Variants in PHF2 observed in about 807,000 individuals in gnomAD.
The protein encoded by PHF2 is lysine-specific demethylase PHF2.
Under a neutral mutation model 120.5 loss-of-function variants are expected in PHF2, and 27 were observed. The ratio of observed to expected loss-of-function variants is 0.22; its 90% CI spans 0.17 to 0.31. PHF2 has a LOEUF of 0.31. Among genes scored for constraint, PHF2 ranks in the 10% least tolerant of loss-of-function variants. The pLI is 1.00. For synonymous variants in PHF2, 568 were observed against 592.5 expected (o/e 0.96, Z 0.60); for missense variants, 1,024 against 1,434.8 (o/e 0.71, Z 4.63).
At position 93,653,197 on chromosome 9, in the gene PHF2, G is replaced by A. The variant is rs1045671229; in HGVS notation, c.621G>A (p.Glu207=). The A allele has an allele frequency of 1.2e-5, 19 of 1,614,014 alleles. No individual in the cohort carries two copies. The highest frequency in any genetic ancestry group is 1.5e-5 in the Non-Finnish European group (18 of 1,180,012). The change falls in exon 6 of 22, where the codon GAG becomes GAA. Residue 207 remains glutamate (E), a synonymous_variant. Coordinates refer to ENST00000359246, the MANE Select transcript of PHF2 (RefSeq NM_005392.4). ...CCCCTAGAATGTCCAGCTTCGTGGA[G>A]CCACCTGACATTGTAAAGAAACTGT... ...FSDTRMSSFV[E]PPDIVKKLSW...
rs1826927098 is a variant in PHF2, at chr9:93,676,890, C to T, written c.3129C>T (p.Pro1043=). The change falls in exon 21 of 22, where the codon CCC becomes CCT. Residue 1043 remains proline, a synonymous_variant. Transcript: ENST00000359246. ...TGAQAGRTSQ[P]MAPGVFLTQR... Reference sequence around the variant, plus strand: ...CCCAGGCTGGCCGCACCTCCCAGCCCATGGCCCCTGGGGTCTTTCTCACAC... The same window carrying T: ...CCCAGGCTGGCCGCACCTCCCAGCCTATGGCCCCTGGGGTCTTTCTCACAC... 1 of 1,582,466 alleles carries T rather than the reference C, an allele frequency of 6.3e-7. No individual in the cohort carries two copies. The highest frequency in any genetic ancestry group is 1.7e-4 in the Middle Eastern group (1 of 6,010).
chr9:93,597,247 A>T (rs1441504528), intron 1 of PHF2, among the ~76,000 whole-genome samples: 1 of 152,182 alleles, frequency 6.6e-6, no homozygotes, highest in Admixed American at 6.5e-5. Flanking sequence ...GTTTTAAAAA[A>T]TCTTAAAAAG....
intron 1 of PHF2, among the ~76,000 whole-genome samples, chr9:93,618,479 T>C (rs1825762672): frequency 6.6e-6 from 1 of 152,226 alleles, no homozygotes; most frequent in Non-Finnish European, 1.5e-5. Context: ...TGCACACATA[T>C]ACACATGGGT....
At chr9:93,589,942 C>T (rs1457613517) in intron 1 of PHF2, among the ~76,000 whole-genome samples, 1 of 152,224 alleles carries the variant, frequency 6.6e-6, no homozygotes, top group Non-Finnish European at 1.5e-5. Flanking sequence ...CATGCTCCTC[C>T]TGCACTTCCT....
rs140723962 is a variant in PHF2, at chr9:93,601,100, C to T, written c.98+24229C>T. Among the ~76,000 whole-genome samples the T allele has an allele frequency of 2.8e-3, 432 of 152,270 alleles. 1 individual carries two copies. Among genetic ancestry groups the T allele is most frequent in the African/African-American group, 9.8e-3 (406 of 41,546 alleles). On this transcript the variant is annotated intron_variant, in intron 1 of 21. Coordinates refer to ENST00000359246, the MANE Select transcript of PHF2 (RefSeq NM_005392.4). ...TTAATTAGCACAAATGACTTTGTCCCGTGAGTACTTACATCCCCTAGGAGA... is the reference window on the plus strand; with the variant it reads ...TTAATTAGCACAAATGACTTTGTCCTGTGAGTACTTACATCCCCTAGGAGA...
chr9:93,576,874 G>T lies in PHF2; in HGVS notation c.98+3G>T. 8.2e-7 allele frequency: 1 copy of T among 1,223,534 alleles called. No individual in the cohort carries two copies. Among genetic ancestry groups the T allele is most frequent in the South Asian group, 1.4e-5 (1 of 69,076 alleles). 75.8% of individuals were successfully genotyped at this position (1,223,534 alleles called of 1,614,324 possible). On this transcript the variant is annotated splice_donor_region_variant and intron_variant, in intron 1 of 21. Transcript: ENST00000359246. ...TGCAAGGACTGGTTCCACGGCAGGT[G>T]AGCGCGCGGCGGCTGCTCGGCTCGG...
chr9:93,618,415 G>T (rs574448634), intron 1 of PHF2, among the ~76,000 whole-genome samples: 2 of 152,230 alleles, frequency 1.3e-5, no homozygotes, highest in African/African-American at 2.4e-5. Context: ...GGCAATGTAC[G>T]TCTGCCTGCA....
chr9:93,675,641 G>A, intron 19 of PHF2, 39 bp from the exon 20 acceptor site: 2 of 1,514,648 alleles, frequency 1.3e-6, no homozygotes, highest in African/African-American at 1.4e-5. Context: ...GACAGGCTGT[G>A]GCCTACAGCT....
chr9:93,582,821 T>C (rs972047819), intron 1 of PHF2, among the ~76,000 whole-genome samples: 44 of 152,260 alleles, frequency 2.9e-4, no homozygotes, highest in African/African-American at 1.0e-3. Context: ...AGCCTCATCT[T>C]AATTGCCAGA....
chr9:93,591,345 C>G (rs779393773), intron 1 of PHF2, among the ~76,000 whole-genome samples: 5 of 152,256 alleles, frequency 3.3e-5, no homozygotes, highest in Non-Finnish European at 5.9e-5. Flanking sequence ...CTGAACTCGT[C>G]TCTGTTAAAA....
At chr9:93,672,482 G>A (rs1826823246) in intron 17 of PHF2, 2 of 983,618 alleles carry the variant, frequency 2.0e-6, no homozygotes, top group African/African-American at 1.8e-5. Flanking sequence ...GAGTGTGGGA[G>A]TAGGCACAGG....
chr9:93,656,729 AC>A lies in PHF2; in HGVS notation c.1147+138del. 1.5e-6 allele frequency: 1 copy of A among 651,908 alleles called. No individual in the cohort carries two copies. Among genetic ancestry groups the A allele is most frequent in the Non-Finnish European group, 2.7e-6 (1 of 365,252 alleles). 40.4% of individuals were successfully genotyped at this position (651,908 alleles called of 1,614,324 possible). A position where few individuals can be genotyped will look rare whatever the true frequency, so the allele number is the denominator to read the frequency against. The stretch of plus-strand genomic sequence containing the variant: ...CTGAGCAAGTCCTCTTGGGACTCAG[AC>A]CCCTGGGGCTCAGTTTCCCCATCTG... On this transcript the variant is annotated intron_variant, in intron 9 of 21. Coordinates refer to ENST00000359246, the MANE Select transcript of PHF2 (RefSeq NM_005392.4). The surrounding 1 kb of genome is among the most constrained non-coding windows in gnomAD (Gnocchi z 4.1).
At chr9:93,633,682 T>A (rs1453489668) in intron 2 of PHF2, among the ~76,000 whole-genome samples, 2 of 152,128 alleles carry the variant, frequency 1.3e-5, no homozygotes, top group Non-Finnish European at 2.9e-5. Context: ...GCTTCATCTG[T>A]GAAGTGAGGG....
chr9:93,664,791 C>T (rs537232382), intron 14 of PHF2, among the ~76,000 whole-genome samples: 2 of 152,208 alleles, frequency 1.3e-5, no homozygotes, highest in Non-Finnish European at 2.9e-5. Flanking sequence ...AGGGAGTTGA[C>T]GATAGAGATG....
chr9:93,632,019 T>A (rs1826010136), intron 2 of PHF2, among the ~76,000 whole-genome samples: 1 of 152,136 alleles, frequency 6.6e-6, no homozygotes, highest in Non-Finnish European at 1.5e-5. Context: ...GTGCTGGGGC[T>A]GGGCAGGTTT....
chr9:93,660,893 G>A (rs1222387567), intron 12 of PHF2, among the ~76,000 whole-genome samples: 1 of 152,228 alleles, frequency 6.6e-6, no homozygotes, highest in Non-Finnish European at 1.5e-5. Context: ...TGGCACCCAA[G>A]AGGGCCACCT....
chr9:93,663,092 T>C, intron 13 of PHF2, 66 bp downstream of exon 13: 1 of 1,597,126 alleles, frequency 6.3e-7, no homozygotes, highest in Non-Finnish European at 8.6e-7. Flanking sequence ...CAGAGGTGAA[T>C]CTGTGAGGCC....
chr9:93,625,513 C>T (rs10761246), intron 1 of PHF2, among the ~76,000 whole-genome samples: 74,645 of 130,428 alleles, frequency 0.57, 20,632 homozygotes, highest in South Asian at 0.78. Context: ...AGTCTTGCTT[C>T]ATTGGCCAGG....
chr9:93,576,711 G>A lies in PHF2; in HGVS notation c.-63G>A. The A allele has an allele frequency of 1.4e-6, 1 of 723,774 alleles. No individual in the cohort carries two copies. The highest frequency in any genetic ancestry group is 1.7e-6 in the Non-Finnish European group (1 of 594,924). The allele number at this position is 723,774 out of a possible 1,614,324, so 44.8% of individuals were successfully genotyped here. A position where few individuals can be genotyped will look rare whatever the true frequency, so the allele number is the denominator to read the frequency against. On this transcript the variant is annotated 5_prime_UTR_variant, in exon 1 of 22. Coordinates refer to ENST00000359246, the MANE Select transcript of PHF2 (RefSeq NM_005392.4). ...CCGCCCCCGCGCGGCCCGGCCCCCGGCCCGGCCCGGACCGACCCGGGCAGC... is the reference window on the plus strand; with the variant it reads ...CCGCCCCCGCGCGGCCCGGCCCCCGACCCGGCCCGGACCGACCCGGGCAGC...
Sources: allele counts gnomAD v4.1 joint callset (sites outside exome capture counted in the v4.1 genomes callset), GRCh38; gene constraint gnomAD v4.1.1; non-coding constraint Gnocchi (gnomAD v3.1); transcripts MANE v1.5; gene names NCBI Gene and HGNC (gene_info 2026-07-23, HGNC 2026-07-21).